The following WDR72 variants were observed in gnomAD, a reference collection of about 807,000 sequenced individuals.
WDR72 encodes the protein WD repeat domain 72, also known as WD repeat-containing protein 72.
WDR72 carries 120 observed loss-of-function variants against 124.2 expected under a neutral mutation model. The ratio of observed to expected loss-of-function variants is 0.97; its 90% CI spans 0.83 to 1.12. The LOEUF (loss-of-function observed/expected upper bound fraction) is 1.12. Among genes scored for constraint, WDR72 ranks in the 50% most tolerant of loss-of-function variants. The pLI is 0.00. For missense variants in WDR72, 1,387 were observed against 1,278.8 expected (o/e 1.08, Z -1.29); for synonymous variants, 452 against 441.7 (o/e 1.02, Z -0.29).
chr15:53,712,631 A>T, intron 7 of WDR72, 141 bp downstream of exon 7: 1 of 916,412 alleles, frequency 1.1e-6, no homozygotes, highest in Non-Finnish European at 1.6e-6. Flanking sequence ...TACGTCAGTC[A>T]TAAAAGACAC....
intron 14 of WDR72, among the ~76,000 whole-genome samples, chr15:53,633,329 CT>C (rs2014502974): frequency 6.6e-6 from 1 of 152,140 alleles, no homozygotes; most frequent in Admixed American, 6.6e-5. Context: ...CCTACGTCCC[CT>C]TCACCTTCTG....
intron 1 of WDR72, among the ~76,000 whole-genome samples, chr15:53,734,675 G>C (rs904793390): frequency 2.0e-5 from 3 of 152,038 alleles, no homozygotes; most frequent in Non-Finnish European, 2.9e-5. Flanking sequence ...TGTAAGGATA[G>C]GAAGCAAAAC....
Position 53,686,679 on chromosome 15 carries a change from AG to A in WDR72, c.1765+13070del, listed in dbSNP as rs1312937533. Among the ~76,000 whole-genome samples, 8 of 150,120 alleles carry A rather than the reference AG, an allele frequency of 5.3e-5. No homozygotes were observed. In the East Asian group the frequency reaches 1.6e-3, roughly 30 times the overall value. On this transcript the variant is annotated intron_variant, in intron 13 of 19. Transcript: ENST00000360509. Reference sequence around the variant, plus strand: ...AGACAGAAAGTCAACAAGGATACCCAGGAATTGAACTCAGCTCTGCACCAAG... The same window carrying A: ...AGACAGAAAGTCAACAAGGATACCCAGAATTGAACTCAGCTCTGCACCAAG...
intron 18 of WDR72, among the ~76,000 whole-genome samples, chr15:53,593,347 A>C (rs947097649): frequency 1.3e-5 from 2 of 152,246 alleles, no homozygotes; most frequent in South Asian, 2.1e-4. Context: ...GGATAACAGC[A>C]CAGTATTTAG....
At chr15:53,678,107 G>A (rs1414612235) in intron 13 of WDR72, among the ~76,000 whole-genome samples, 1 of 152,086 alleles carries the variant, frequency 6.6e-6, no homozygotes, top group Non-Finnish European at 1.5e-5. Context: ...ATGTTTGGTT[G>A]GCAATACAGA....
Position 53,615,761 on chromosome 15 carries a change from G to C in WDR72, c.2445C>G (p.Cys815Trp). The change falls in exon 15 of 20, where the codon TGC becomes TGG. Residue 815 changes from cysteine (C) to tryptophan (W), a missense_variant. Coordinates refer to ENST00000360509, the MANE Select transcript of WDR72 (RefSeq NM_182758.4). ...WGVDKDLDYLCIKHLNILKLQ... is the reference protein window; with the variant it reads ...WGVDKDLDYLWIKHLNILKLQ... ...GCTTTAAAATATTGAGGTGCTTAATGCAAAGATAATCTAAATCTTTATCCA... is the reference window on the plus strand; with the variant it reads ...GCTTTAAAATATTGAGGTGCTTAATCCAAAGATAATCTAAATCTTTATCCA... 6.2e-7 allele frequency: 1 copy of C among 1,613,484 alleles called. No homozygotes were observed.
chr15:53,642,218 T>C (rs947567946), intron 14 of WDR72, among the ~76,000 whole-genome samples: 1 of 152,024 alleles, frequency 6.6e-6, no homozygotes, highest in African/African-American at 2.4e-5. Context: ...TAGCATAAAC[T>C]AGTAATAATT....
At chr15:53,612,196 C>G (rs1487957356) in intron 16 of WDR72, among the ~76,000 whole-genome samples, 3 of 152,116 alleles carry the variant, frequency 2.0e-5, no homozygotes, top group Non-Finnish European at 4.4e-5. Context: ...TGAACTCATC[C>G]ACTAATTCAA....
At chr15:53,760,738 G>GC (rs372855620), upstream of WDR72, among the ~76,000 whole-genome samples, 1,246 of 152,220 alleles carry the variant, frequency 8.2e-3, 17 homozygotes, top group African/African-American at 0.028. Flanking sequence ...TCTAGTTTTA[G>GC]TTTTTTGAGA....
At chr15:53,687,254 A>G (rs78261875) in intron 13 of WDR72, among the ~76,000 whole-genome samples, 5,682 of 149,436 alleles carry the variant, frequency 0.038, 138 homozygotes, top group Non-Finnish European at 0.049. Context: ...AACCCTTCAA[A>G]AAATTAATGA....
intron 18 of WDR72, among the ~76,000 whole-genome samples, chr15:53,545,402 A>C (rs1387436736): frequency 6.7e-6 from 1 of 150,064 alleles, no homozygotes; most frequent in Non-Finnish European, 1.5e-5. Context: ...GAGAAAAACA[A>C]GCAATGGGGA....
At chr15:53,529,156 A>ATATATATT (rs1260901478) in intron 18 of WDR72, among the ~76,000 whole-genome samples, 1 of 56,694 alleles carries the variant, frequency 1.8e-5, no homozygotes, top group Non-Finnish European at 3.3e-5. Flanking sequence ...ATATATATAT[A>ATATATATT]TATATATATT....
chr15:53,658,623 T>C (rs2015508814), intron 14 of WDR72, among the ~76,000 whole-genome samples: 1 of 152,038 alleles, frequency 6.6e-6, no homozygotes, highest in Admixed American at 6.6e-5. Flanking sequence ...GAAGAAATAA[T>C]TGGGCTGGCA....
At chr15:53,525,534 A>G (rs1334983339) in intron 18 of WDR72, among the ~76,000 whole-genome samples, 4 of 152,060 alleles carry the variant, frequency 2.6e-5, no homozygotes, top group African/African-American at 9.7e-5. Flanking sequence ...TAAATCAGGG[A>G]CCTCACAGAG....
At chr15:53,719,774 G>T (rs556090438) in intron 3 of WDR72, among the ~76,000 whole-genome samples, 1 of 152,172 alleles carries the variant, frequency 6.6e-6, no homozygotes, top group South Asian at 2.1e-4. Flanking sequence ...TCGGTAGTGG[G>T]GCCCAGAAAT....
chr15:53,596,283 G>T (rs2012769105), intron 18 of WDR72, among the ~76,000 whole-genome samples: 1 of 151,986 alleles, frequency 6.6e-6, no homozygotes, highest in Non-Finnish European at 1.5e-5. Context: ...CAATAAAGTT[G>T]AAAATTAAAG....
intron 17 of WDR72, among the ~76,000 whole-genome samples, chr15:53,601,257 C>T (rs751007729): frequency 6.6e-6 from 1 of 152,006 alleles, no homozygotes; most frequent in Non-Finnish European, 1.5e-5. Flanking sequence ...TCTAGCCTAA[C>T]TAAGCTTCAT....
At chr15:53,725,096 A>C (rs939958770) in intron 2 of WDR72, among the ~76,000 whole-genome samples, 28 of 152,188 alleles carry the variant, frequency 1.8e-4, no homozygotes, top group Non-Finnish European at 4.0e-4. Context: ...AAGAACTCTT[A>C]AAATTCAACA....
chr15:53,723,942 G>A (rs1431838176), intron 2 of WDR72, among the ~76,000 whole-genome samples: 3 of 152,082 alleles, frequency 2.0e-5, no homozygotes, highest in African/African-American at 7.2e-5. Context: ...ATGAAGGGCC[G>A]ACTGTATACA....
Sources: gnomAD v4.1 joint callset for allele counts (sites outside exome capture counted in the v4.1 genomes callset) on GRCh38, gnomAD v4.1.1 for gene constraint, MANE v1.5 for transcripts, NCBI Gene and HGNC (gene_info 2026-07-23, HGNC 2026-07-21) for gene names.